The following TMEM135 variants were observed in gnomAD, a reference collection of about 807,000 sequenced individuals.
TMEM135 encodes the protein peroxisomal membrane protein 52.
In TMEM135, 30 loss-of-function variants were observed where a neutral mutation model predicts 60.3. The observed-to-expected ratio is 0.50, with a 90% CI of 0.37 to 0.68. The LOEUF (loss-of-function observed/expected upper bound fraction) is 0.68. Ranked by LOEUF, TMEM135 falls within the 30% of genes least tolerant of loss-of-function variation. The pLI, the probability that TMEM135 is intolerant of heterozygous loss-of-function variation, is 0.00. For missense variants in TMEM135, 468 were observed against 548.8 expected (o/e 0.85, Z 1.47); for synonymous variants, 190 against 186.7 (o/e 1.02, Z -0.14).
At chr11:87,193,768 T>C (rs977862379) in intron 5 of TMEM135, among the ~76,000 whole-genome samples, 27 of 148,184 alleles carry the variant, frequency 1.8e-4, no homozygotes, top group Admixed American at 1.7e-3. Flanking sequence ...TCTTATATAT[T>C]ATATTATATA....
chr11:87,121,562 T>G (rs483548), intron 4 of TMEM135: 71,710 of 150,978 alleles, frequency 0.47, 17,326 homozygotes, highest in East Asian at 0.67. Context: ...TAACATTTTA[T>G]TAATTTTTAA....
chr11:87,173,033 A>G (rs1249897409), intron 5 of TMEM135, among the ~76,000 whole-genome samples: 1 of 151,986 alleles, frequency 6.6e-6, no homozygotes, highest in Non-Finnish European at 1.5e-5. Context: ...GTTGAATGTG[A>G]ATTCTTTATA....
chr11:87,209,495 C>G (rs1746416973), intron 5 of TMEM135, among the ~76,000 whole-genome samples: 2 of 152,096 alleles, frequency 1.3e-5, no homozygotes, highest in African/African-American at 2.4e-5. Flanking sequence ...ACAAGAAAAC[C>G]TAACTATCTT....
intron 4 of TMEM135, among the ~76,000 whole-genome samples, chr11:87,150,283 A>G (rs974319352): frequency 1.3e-5 from 2 of 151,882 alleles, no homozygotes; most frequent in Non-Finnish European, 1.5e-5. Context: ...AAACAGTAGT[A>G]TTCTTTTCTA....
intron 12 of TMEM135, among the ~76,000 whole-genome samples, chr11:87,316,427 A>C (rs1942730628): frequency 6.6e-6 from 1 of 152,004 alleles, no homozygotes; most frequent in African/African-American, 2.4e-5. Flanking sequence ...TTCTCAGTGC[A>C]CTGGAAACCA....
intron 4 of TMEM135, among the ~76,000 whole-genome samples, chr11:87,117,535 A>G (rs1162103356): frequency 6.6e-6 from 1 of 152,200 alleles, no homozygotes; most frequent in Non-Finnish European, 1.5e-5. Flanking sequence ...AGTAAATTTC[A>G]TTTCAAGAAA....
chr11:87,059,315 T>TTTG (rs1441003415), intron 1 of TMEM135, among the ~76,000 whole-genome samples: 1 of 150,846 alleles, frequency 6.6e-6, no homozygotes, highest in Non-Finnish European at 1.5e-5. Context: ...TTCTTTTTTT[T>TTTG]TTTTTTTGAG....
Position 87,318,358 on chromosome 11 carries a change from T to C in TMEM135, c.1176+123T>C, listed in dbSNP as rs554124365. On this transcript the variant is annotated intron_variant, in intron 13 of 14. Transcript: ENST00000305494. ...TACAGTATTACATTTTAAGCTTCTT[T>C]TTTGTTTTGTTTTGTTTTTTTTTCA... 8 of 751,148 alleles carry C rather than the reference T, an allele frequency of 1.1e-5. No homozygotes were observed. The East Asian group carries it at 1.1e-4, about 10-fold the overall frequency. 46.5% of individuals were successfully genotyped at this position (751,148 alleles called of 1,614,324 possible). A position where few individuals can be genotyped will look rare whatever the true frequency, so the allele number is the denominator to read the frequency against.
At chr11:87,102,696 A>ATATATACG (rs1857484590) in intron 4 of TMEM135, among the ~76,000 whole-genome samples, 2 of 80,214 alleles carry the variant, frequency 2.5e-5, no homozygotes, top group Admixed American at 2.7e-4. Context: ...GTGTGTGTAT[A>ATATATACG]TATATATGTA....
At chr11:87,212,154 C>T (rs1940385659) in intron 5 of TMEM135, among the ~76,000 whole-genome samples, 1 of 151,912 alleles carries the variant, frequency 6.6e-6, no homozygotes, top group Admixed American at 6.6e-5. Context: ...TGAATGTTAC[C>T]AGGTAGTACA....
chr11:87,241,419 T>C (rs1321763582), intron 6 of TMEM135, among the ~76,000 whole-genome samples: 3 of 152,136 alleles, frequency 2.0e-5, no homozygotes, highest in Admixed American at 6.6e-5. Context: ...ATGAGATGTT[T>C]TGATACAGGC....
chr11:87,261,090 AC>A (rs1941642915), intron 6 of TMEM135, among the ~76,000 whole-genome samples: 1 of 152,204 alleles, frequency 6.6e-6, no homozygotes, highest in Admixed American at 6.5e-5. Context: ...CTATTCTAGT[AC>A]CTCACAACAA....
rs147135046 is a variant in TMEM135 at position 87,252,177 on chromosome 11, C to T, written c.509+15493C>T. ...TCTTTCTTAGACTGGAGAGACTAGA[C>T]TCTGGGAAAGTTTAAGTGAATAAGA... On this transcript the variant is annotated intron_variant, in intron 6 of 14. Coordinates refer to ENST00000305494, the MANE Select transcript of TMEM135 (RefSeq NM_022918.4). Among the ~76,000 whole-genome samples, 839 of 152,094 alleles carry T rather than the reference C, an allele frequency of 5.5e-3. 9 individuals carry two copies. Among genetic ancestry groups the T allele is most frequent in the African/African-American group, 0.019 (793 of 41,474 alleles).
At chr11:87,285,367 G>A (rs1178384765) in intron 6 of TMEM135, among the ~76,000 whole-genome samples, 4 of 152,148 alleles carry the variant, frequency 2.6e-5, no homozygotes, top group African/African-American at 7.2e-5. Flanking sequence ...GCAGACCCTC[G>A]CGGTGAGTGT....
chr11:87,288,530 A>C (rs1323926733), intron 6 of TMEM135, among the ~76,000 whole-genome samples: 1 of 152,204 alleles, frequency 6.6e-6, no homozygotes, highest in Non-Finnish European at 1.5e-5. Flanking sequence ...TTTTTACATC[A>C]TAAGTGATTG....
intron 6 of TMEM135, among the ~76,000 whole-genome samples, chr11:87,251,582 G>C (rs532146516): frequency 1.5e-5 from 2 of 134,646 alleles, no homozygotes; most frequent in Non-Finnish European, 3.2e-5. Flanking sequence ...AAATAAGAAC[G>C]ATATTTTATA....
intron 10 of TMEM135, among the ~76,000 whole-genome samples, chr11:87,312,936 T>A (rs1403883108): frequency 6.6e-6 from 1 of 151,952 alleles, no homozygotes; most frequent in Non-Finnish European, 1.5e-5. Context: ...AATTTTTGTC[T>A]GGTGTCATAT....
rs186192554 is a variant in TMEM135 at position 87,067,920 on chromosome 11, G to A, written c.269+99G>A. ...AAATGTTATGTGGGTTACTATCCCC[G>A]CCCCCCCTTTTTTTAATCTGTGAAG... On this transcript the variant is annotated intron_variant, in intron 2 of 14. Transcript: ENST00000305494. The A allele has an allele frequency of 6.9e-4, 996 of 1,442,748 alleles. 10 individuals carry two copies. The African/African-American group carries it at 0.012, about 18-fold the overall frequency. 89.4% of individuals were successfully genotyped at this position (1,442,748 alleles called of 1,614,324 possible).
chr11:87,298,112 G>A (rs778704185), intron 7 of TMEM135, among the ~76,000 whole-genome samples: 4 of 152,084 alleles, frequency 2.6e-5, no homozygotes, highest in Non-Finnish European at 4.4e-5. Flanking sequence ...CAGTCCTGGC[G>A]GTCGTGATTT....
Sources: allele counts gnomAD v4.1 joint callset (sites outside exome capture counted in the v4.1 genomes callset), GRCh38; gene constraint gnomAD v4.1.1; transcripts MANE v1.5; gene names NCBI Gene and HGNC (gene_info 2026-07-23, HGNC 2026-07-21).